Variants in IL23R observed in about 807,000 individuals in gnomAD.
IL23R encodes the protein interleukin 23 receptor, also known as interleukin-23 receptor.
A neutral mutation model predicts 56.9 loss-of-function variants in IL23R; 34 were observed. That is an observed-to-expected ratio of 0.60 (90% CI 0.45 to 0.80). IL23R has a LOEUF of 0.80. Among genes scored for constraint, IL23R ranks in the 30% least tolerant of loss-of-function variants. IL23R has a pLI of 0.00. For synonymous variants in IL23R, 230 were observed against 249.2 expected, an observed-to-expected ratio of 0.92 and a Z score of 0.73; for missense variants, 635 against 730.0, an observed-to-expected ratio of 0.87 and a Z score of 1.50.
chr1:67,162,821 A>G (rs1646834162), upstream of IL23R, among the ~76,000 whole-genome samples: 1 of 152,218 alleles, frequency 6.6e-6, no homozygotes, highest in Non-Finnish European at 1.5e-5. Context: ...GCTATTCACT[A>G]TGAATTTAGA....
intron 4 of IL23R, among the ~76,000 whole-genome samples, 161 bp from the exon 5 acceptor site, chr1:67,200,576 G>C (rs1423917115): frequency 6.6e-6 from 1 of 151,634 alleles, no homozygotes; most frequent in African/African-American, 2.4e-5. Flanking sequence ...ATAGAGACAG[G>C]GTTTCACCAT....
chr1:67,262,100 G>T (rs1237667469), downstream of IL23R, among the ~76,000 whole-genome samples: 1 of 152,226 alleles, frequency 6.6e-6, no homozygotes, highest in Admixed American at 6.5e-5. Flanking sequence ...CTTCGCGGGG[G>T]AGAAAGGGTT....
intron 6 of IL23R, among the ~76,000 whole-genome samples, chr1:67,215,858 A>G (rs1649799380): frequency 6.6e-6 from 1 of 152,122 alleles, no homozygotes; most frequent in African/African-American, 2.4e-5. Flanking sequence ...TCTTCTATCA[A>G]TATTTCTGGA....
chr1:67,220,912 G>A (rs1335611512), intron 7 of IL23R, among the ~76,000 whole-genome samples: 1 of 152,216 alleles, frequency 6.6e-6, no homozygotes, highest in Admixed American at 6.5e-5. Flanking sequence ...TGAGGCAGGA[G>A]GATCACTTGA....
chr1:67,146,116 C>T (rs6588245), intron 1 of IL23R, among the ~76,000 whole-genome samples: 73,556 of 152,006 alleles, frequency 0.48, 18,376 homozygotes, highest in South Asian at 0.63. Flanking sequence ...TTTAATATTC[C>T]AGACCATTTG....
chr1:67,169,311 T>G, intron 2 of IL23R, 31 bp from the exon 3 acceptor site: 1 of 1,486,730 alleles, frequency 6.7e-7, no homozygotes, highest in Non-Finnish European at 9.3e-7. Flanking sequence ...ATGTTTTACG[T>G]GTAATTTATT....
At chr1:67,244,774 A>G (rs1652100420) in intron 9 of IL23R, among the ~76,000 whole-genome samples, 1 of 152,188 alleles carries the variant, frequency 6.6e-6, no homozygotes. Flanking sequence ...CTTTTTGCTT[A>G]GAATTGTCTT....
At chr1:67,159,488 G>GTCAA (rs1646799136) in intron 1 of IL23R, among the ~76,000 whole-genome samples, 1 of 152,118 alleles carries the variant, frequency 6.6e-6, no homozygotes, top group Non-Finnish European at 1.5e-5. Flanking sequence ...AGAACTGTGA[G>GTCAA]TCAATTAAGC....
chr1:67,146,226 A>G (rs1434241235), intron 1 of IL23R, among the ~76,000 whole-genome samples: 2 of 152,188 alleles, frequency 1.3e-5, no homozygotes, highest in East Asian at 1.9e-4. Context: ...TCATGTGATC[A>G]TGTCTTATGT....
chr1:67,211,986 G>A (rs1221840803), intron 6 of IL23R, among the ~76,000 whole-genome samples: 1 of 152,158 alleles, frequency 6.6e-6, no homozygotes, highest in Non-Finnish European at 1.5e-5. Context: ...AAGAAGTCAA[G>A]CCAGATTTTT....
rs61780277 is a variant in IL23R at position 67,148,032 on chromosome 1, G to A, written c.-634+8871G>A. On this transcript the variant is annotated intron_variant, in intron 1 of 10. Coordinates refer to the IL23R transcript ENST00000637002. ...GTTATAGCTCTATTAGAAGCCGTGG[G>A]TCACGGAAGAGAACCGTGGAACCCA... is the stretch of plus-strand genomic sequence containing the variant. Among the ~76,000 whole-genome samples, 1,006 of 152,354 alleles carry A rather than the reference G, an allele frequency of 6.6e-3. 6 individuals are homozygous for A. Among genetic ancestry groups the A allele is most frequent in the Admixed American group, 0.011 (168 of 15,312 alleles).
chr1:67,218,289 TAC>T (rs1649987713), intron 6 of IL23R, among the ~76,000 whole-genome samples: 1 of 150,294 alleles, frequency 6.7e-6, no homozygotes, highest in Non-Finnish European at 1.5e-5. Flanking sequence ...TATATATACA[TAC>T]ATATACATAT....
chr1:67,264,996 T>A, the IL23R span, among the ~76,000 whole-genome samples: 1 of 152,144 alleles, frequency 6.6e-6, no homozygotes, highest in African/African-American at 2.4e-5. Flanking sequence ...TTTCCTGAGA[T>A]TGTTGGTTTA....
At chr1:67,176,455 T>TA (rs1647010236) in intron 3 of IL23R, among the ~76,000 whole-genome samples, 2 of 151,904 alleles carry the variant, frequency 1.3e-5, no homozygotes, top group Non-Finnish European at 2.9e-5. Flanking sequence ...CTTTTTTTTT[T>TA]ATTCTTCCAT....
chr1:67,222,102 C>CTTTCTTT (rs1440089182), intron 7 of IL23R, among the ~76,000 whole-genome samples: 3 of 58,890 alleles, frequency 5.1e-5, no homozygotes, highest in African/African-American at 1.9e-4. Flanking sequence ...TTCTTTCTTT[C>CTTTCTTT]TTTTTTTTTT....
At chr1:67,249,765 G>A (rs928694786) in intron 9 of IL23R, among the ~76,000 whole-genome samples, 2 of 151,890 alleles carry the variant, frequency 1.3e-5, no homozygotes, top group African/African-American at 2.4e-5. Context: ...ATTTCATTTT[G>A]GGAAGCCTAT....
intron 4 of IL23R, among the ~76,000 whole-genome samples, chr1:67,192,132 C>T (rs1290769877): frequency 6.6e-6 from 1 of 152,152 alleles, no homozygotes; most frequent in African/African-American, 2.4e-5. Flanking sequence ...TATATGTGAG[C>T]TATTTAGGAA....
At position 67,241,483 on chromosome 1, in the gene IL23R, C is replaced by T. The variant is rs552326919; in HGVS notation, c.1148+1202C>T. Among the ~76,000 whole-genome samples the T allele has an allele frequency of 4.7e-4, 72 of 152,098 alleles. 3 individuals carry two copies. In the South Asian group the frequency reaches 0.014, roughly 29 times the overall value. ...CCAAAACAATGGCCTCCCATAATTT[C>T]GTTTTAAAAAAAAAATCCCCCTTTT... On this transcript the variant is annotated intron_variant, in intron 9 of 10. Transcript: ENST00000347310.
chr1:67,146,265 T>C (rs1389915439), intron 1 of IL23R, among the ~76,000 whole-genome samples: 1 of 152,224 alleles, frequency 6.6e-6, no homozygotes, highest in East Asian at 1.9e-4. Flanking sequence ...GATAATTTTG[T>C]GGACTTGTAA....
Sources: allele counts gnomAD v4.1 joint callset (sites outside exome capture counted in the v4.1 genomes callset), GRCh38; gene constraint gnomAD v4.1.1; transcripts MANE v1.5; gene names NCBI Gene and HGNC (gene_info 2026-07-23, HGNC 2026-07-21).